The following GNB1 variants were observed in gnomAD, a reference collection of about 807,000 sequenced individuals.
The protein encoded by GNB1 is guanine nucleotide-binding protein G(I)/G(S)/G(T) subunit beta-1.
In GNB1, 2 loss-of-function variants were observed where a neutral mutation model predicts 42.9. The ratio of observed to expected loss-of-function variants is 0.05; its 90% CI spans 0.02 to 0.15. GNB1 has a LOEUF of 0.15. Ranked by LOEUF, GNB1 falls within the 10% of genes least tolerant of loss-of-function variation. The pLI, the probability that GNB1 is intolerant of heterozygous loss-of-function variation, is 1.00. For synonymous variants in GNB1, 183 were observed against 174.7 expected (o/e 1.05, Z -0.38); for missense variants, 193 against 462.2 (o/e 0.42, Z 5.34).
At chr1:1,795,557 G>C (rs1350161630) in intron 7 of GNB1, among the ~76,000 whole-genome samples, 1 of 152,122 alleles carries the variant, frequency 6.6e-6, no homozygotes, top group African/African-American at 2.4e-5. Context: ...AGACCAGCCT[G>C]GCCAACATGG....
At chr1:1,840,100 C>T (rs561841742) in intron 1 of GNB1, among the ~76,000 whole-genome samples, 1 of 151,812 alleles carries the variant, frequency 6.6e-6, no homozygotes, top group African/African-American at 2.4e-5. Context: ...TGATGGCAGG[C>T]ACCTGTAACC....
intron 6 of GNB1, among the ~76,000 whole-genome samples, chr1:1,805,777 G>T (rs373566056): frequency 1.3e-5 from 2 of 151,964 alleles, no homozygotes; most frequent in African/African-American, 4.8e-5. Context: ...CCTGACCTCA[G>T]GTGATCCACC....
intron 5 of GNB1, among the ~76,000 whole-genome samples, chr1:1,815,056 G>A (rs1319526720): frequency 6.6e-6 from 1 of 150,874 alleles, no homozygotes; most frequent in Admixed American, 6.6e-5. Flanking sequence ...AGCTTGCAGT[G>A]AGCCGAGATT....
At chr1:1,870,599 C>T (rs777651005) in intron 1 of GNB1, among the ~76,000 whole-genome samples, 3 of 152,208 alleles carry the variant, frequency 2.0e-5, no homozygotes, top group Non-Finnish European at 2.9e-5. Context: ...TGCGCTGTTA[C>T]GCATGTTAGC....
At chr1:1,888,910 G>A (rs1650308742) in intron 1 of GNB1, among the ~76,000 whole-genome samples, 1 of 152,122 alleles carries the variant, frequency 6.6e-6, no homozygotes, top group Non-Finnish European at 1.5e-5. Flanking sequence ...CCCTGGGGAG[G>A]CTCTCAGACC....
intron 3 of GNB1, among the ~76,000 whole-genome samples, chr1:1,818,711 A>T (rs1646890482): frequency 6.6e-6 from 1 of 152,094 alleles, no homozygotes; most frequent in South Asian, 2.1e-4. Context: ...AAAAATACAA[A>T]AAATAGCTGG....
chr1:1,815,873 A>C lies in GNB1; in HGVS notation c.97-11T>G. 6.7e-7 allele frequency: 1 copy of C among 1,488,768 alleles called. No homozygotes were observed. The highest frequency in any genetic ancestry group is 1.1e-5 in the South Asian group (1 of 88,382). 92.2% of individuals were successfully genotyped at this position (1,488,768 alleles called of 1,614,324 possible). A position where few individuals can be genotyped will look rare whatever the true frequency, so the allele number is the denominator to read the frequency against. ...GATGTTGTTTGTGATCTTGAAAATA[A>C]AAACATTTCTGTAAATCAACATCTG... On this transcript the variant is annotated splice_polypyrimidine_tract_variant and intron_variant, in intron 4 of 11. Transcript: ENST00000378609.
chr1:1,807,218 T>C (rs1413845361), intron 5 of GNB1, among the ~76,000 whole-genome samples: 1 of 151,832 alleles, frequency 6.6e-6, no homozygotes, highest in Non-Finnish European at 1.5e-5. Flanking sequence ...TCCCAACACT[T>C]TGGGAGGCCA....
At chr1:1,831,321 A>G (rs1647072852) in intron 2 of GNB1, among the ~76,000 whole-genome samples, 1 of 152,174 alleles carries the variant, frequency 6.6e-6, no homozygotes, top group Admixed American at 6.5e-5. Context: ...TGGGCAACAG[A>G]GCAAGATCCT....
intron 1 of GNB1, among the ~76,000 whole-genome samples, chr1:1,879,640 G>T (rs1649732435): frequency 6.6e-6 from 1 of 151,428 alleles, no homozygotes; most frequent in African/African-American, 2.4e-5. Context: ...AGGAGGCGGA[G>T]CTTGCAGTGA....
At chr1:1,853,393 G>C (rs1299267263) in intron 1 of GNB1, among the ~76,000 whole-genome samples, 1 of 152,158 alleles carries the variant, frequency 6.6e-6, no homozygotes, top group Non-Finnish European at 1.5e-5. Flanking sequence ...AGTAAGCCTA[G>C]AAAGGGCCAA....
At chr1:1,817,269 T>C (rs1042627929) in intron 4 of GNB1, among the ~76,000 whole-genome samples, 3 of 152,240 alleles carry the variant, frequency 2.0e-5, no homozygotes, top group Non-Finnish European at 4.4e-5. Flanking sequence ...AGCCTCTGAC[T>C]GTACTGACGT....
At chr1:1,819,309 C>T (rs1646899361) in intron 3 of GNB1, among the ~76,000 whole-genome samples, 1 of 151,860 alleles carries the variant, frequency 6.6e-6, no homozygotes, top group African/African-American at 2.4e-5. Flanking sequence ...GCAGCCTCCG[C>T]CTCCCAGGTT....
intron 1 of GNB1, among the ~76,000 whole-genome samples, chr1:1,871,576 T>C (rs1649251039): frequency 6.6e-6 from 1 of 152,100 alleles, no homozygotes; most frequent in Non-Finnish European, 1.5e-5. Flanking sequence ...CCTCTCCTTT[T>C]AATAACCCCT....
At chr1:1,860,482 A>C (rs372939191) in intron 1 of GNB1, among the ~76,000 whole-genome samples, 59 of 152,132 alleles carry the variant, frequency 3.9e-4, no homozygotes, top group Middle Eastern at 3.4e-3. Flanking sequence ...AACAAACAAA[A>C]AAAAATTAGC....
intron 1 of GNB1, among the ~76,000 whole-genome samples, chr1:1,840,118 C>T (rs546370065): frequency 6.6e-6 from 1 of 151,834 alleles, no homozygotes; most frequent in East Asian, 1.9e-4. Context: ...ACCCCAGCTA[C>T]CTGGGAGGCA....
chr1:1,788,920 C>A, intron 10 of GNB1, 133 bp downstream of exon 10: 1 of 672,082 alleles, frequency 1.5e-6, no homozygotes, highest in East Asian at 2.7e-5. Flanking sequence ...CAGTTTGCGA[C>A]TGTCACTCCT....
intron 2 of GNB1, among the ~76,000 whole-genome samples, chr1:1,831,191 G>A (rs940086942): frequency 3.9e-5 from 6 of 151,964 alleles, no homozygotes; most frequent in Non-Finnish European, 7.4e-5. Context: ...GATGCAATTC[G>A]CTGGGTATCG....
At chr1:1,792,934 C>G (rs557625847) in intron 8 of GNB1, among the ~76,000 whole-genome samples, 1 of 151,720 alleles carries the variant, frequency 6.6e-6, no homozygotes, top group African/African-American at 2.4e-5. Context: ...GGCGTGGTGG[C>G]GGGCACCTGT....
Sources: gnomAD v4.1 joint callset for allele counts (sites outside exome capture counted in the v4.1 genomes callset) on GRCh38, gnomAD v4.1.1 for gene constraint, MANE v1.5 for transcripts, NCBI Gene and HGNC (gene_info 2026-07-23, HGNC 2026-07-21) for gene names.